Variants in ADARB2 observed in about 807,000 individuals in gnomAD.
The protein encoded by ADARB2 is adenosine deaminase RNA specific B2 (inactive).
ADARB2 carries 25 observed loss-of-function variants against 62.2 expected under a neutral mutation model. The ratio of observed to expected loss-of-function variants is 0.40; its 90% CI spans 0.29 to 0.56. The LOEUF (loss-of-function observed/expected upper bound fraction) is 0.56. Ranked by LOEUF, ADARB2 falls within the 20% of genes least tolerant of loss-of-function variation. The probability of loss-of-function intolerance (pLI) is 0.43; values close to 1 mark genes in which losing one functional copy is unlikely to be tolerated. For synonymous variants in ADARB2, 572 were observed against 500.8 expected (o/e 1.14, Z -1.90); for missense variants, 1,071 against 1,077.4 (o/e 0.99, Z 0.08).
At chr10:1,323,250 T>TAAA (rs201803705) in intron 3 of ADARB2, among the ~76,000 whole-genome samples, 214 of 130,476 alleles carry the variant, frequency 1.6e-3, no homozygotes, top group South Asian at 5.0e-3. Context: ...TTTGAAATTG[T>TAAA]AAAAAAAAAA....
chr10:1,229,750 G>A (rs374838222), intron 6 of ADARB2, among the ~76,000 whole-genome samples: 11 of 136,402 alleles, frequency 8.1e-5, no homozygotes, highest in South Asian at 2.2e-4. Context: ...GTATGTGCAC[G>A]TGATTACATG....
Position 1,628,362 on chromosome 10 carries a change from G to A in ADARB2, c.100+108689C>T, listed in dbSNP as rs548218358. ...TTACGATCGGCATTCACTGTTCAGC[G>A]CTTGCTAGGCTGTTAATTATTGTTG... is the stretch of plus-strand genomic sequence containing the variant. On this transcript the variant is annotated intron_variant, in intron 1 of 9. Transcript: ENST00000381312. 9.7e-4 allele frequency among the ~76,000 whole-genome samples: 147 copies of A among 152,324 alleles called. 1 individual carries two copies. The highest frequency in any genetic ancestry group is 8.1e-3 in the South Asian group (39 of 4,832).
chr10:1,578,492 A>G (rs1833050650), intron 1 of ADARB2, among the ~76,000 whole-genome samples: 1 of 152,180 alleles, frequency 6.6e-6, no homozygotes, highest in South Asian at 2.1e-4. Flanking sequence ...GTGAGCTGGG[A>G]GCTGTGCTGG....
At chr10:1,572,587 C>T (rs559634608) in intron 1 of ADARB2, among the ~76,000 whole-genome samples, 103 of 152,188 alleles carry the variant, frequency 6.8e-4, no homozygotes, top group Admixed American at 1.2e-3. Flanking sequence ...ACCACCTCTG[C>T]GCCATGCTGG....
At chr10:1,674,185 C>G (rs1470972943) in intron 1 of ADARB2, among the ~76,000 whole-genome samples, 1 of 152,180 alleles carries the variant, frequency 6.6e-6, no homozygotes, top group African/African-American at 2.4e-5. Flanking sequence ...TGCACCTTCT[C>G]TACTTCAGAA....
At chr10:1,424,060 G>A (rs1230934186) in intron 1 of ADARB2, among the ~76,000 whole-genome samples, 1 of 152,180 alleles carries the variant, frequency 6.6e-6, no homozygotes, top group African/African-American at 2.4e-5. Flanking sequence ...TACTATGTAT[G>A]CAGTGGGACC....
chr10:1,311,577 G>A (rs1831691470), intron 3 of ADARB2, among the ~76,000 whole-genome samples: 1 of 152,154 alleles, frequency 6.6e-6, no homozygotes, highest in South Asian at 2.1e-4. Context: ...ACCTGGCCAA[G>A]GCGCCTAGAG....
chr10:1,576,973 T>C (rs1320250821), intron 1 of ADARB2, among the ~76,000 whole-genome samples: 12 of 152,166 alleles, frequency 7.9e-5, no homozygotes, highest in Admixed American at 7.9e-4. Flanking sequence ...CCTCAGGCTC[T>C]GGGTAGGTTG....
chr10:1,400,153 G>A, intron 1 of ADARB2, among the ~76,000 whole-genome samples: 1 of 152,200 alleles, frequency 6.6e-6, no homozygotes, highest in Non-Finnish European at 1.5e-5. Flanking sequence ...CAGGCTCCAG[G>A]GCTCTGCCTG....
intron 4 of ADARB2, among the ~76,000 whole-genome samples, chr10:1,267,658 C>T (rs745704001): frequency 5.3e-5 from 8 of 152,122 alleles, no homozygotes; most frequent in Admixed American, 5.2e-4. Flanking sequence ...AAAACACGCA[C>T]AATATTTCAA....
intron 1 of ADARB2, among the ~76,000 whole-genome samples, chr10:1,621,878 A>G (rs1011267508): frequency 2.0e-5 from 3 of 151,730 alleles, no homozygotes; most frequent in Non-Finnish European, 2.9e-5. Context: ...TCCTCTTAAA[A>G]TATGTATGAA....
chr10:1,440,153 G>C (rs1830887105), intron 1 of ADARB2, among the ~76,000 whole-genome samples: 1 of 151,968 alleles, frequency 6.6e-6, no homozygotes, highest in South Asian at 2.1e-4. Context: ...GACAGAGGCA[G>C]GTCCTTCACT....
chr10:1,618,909 A>G (rs1833675876), intron 1 of ADARB2, among the ~76,000 whole-genome samples: 1 of 152,212 alleles, frequency 6.6e-6, no homozygotes, highest in Non-Finnish European at 1.5e-5. Flanking sequence ...AAAAGCAACT[A>G]TACAGCTGAA....
At chr10:1,494,305 A>G (rs943599583) in intron 1 of ADARB2, among the ~76,000 whole-genome samples, 1 of 152,342 alleles carries the variant, frequency 6.6e-6, no homozygotes, top group East Asian at 1.9e-4. Context: ...TCTGAGGTCA[A>G]TCAACTACTT....
intron 4 of ADARB2, among the ~76,000 whole-genome samples, chr10:1,262,163 G>C (rs1168527904): frequency 1.8e-5 from 2 of 108,948 alleles, no homozygotes; most frequent in Admixed American, 2.1e-4. Context: ...GAGGGGGGAG[G>C]GATAGCATTG....
intron 1 of ADARB2, among the ~76,000 whole-genome samples, chr10:1,733,514 C>T (rs884862): frequency 0.51 from 77,303 of 151,960 alleles, 20,208 homozygotes; most frequent in Non-Finnish European, 0.56. Context: ...CTCATACATA[C>T]TACCCTGAAG....
chr10:1,653,099 A>C (rs998659642), intron 1 of ADARB2, among the ~76,000 whole-genome samples: 1 of 152,190 alleles, frequency 6.6e-6, no homozygotes, highest in Non-Finnish European at 1.5e-5. Flanking sequence ...GCTGATCCCA[A>C]TGTGAGGCTG....
intron 4 of ADARB2, among the ~76,000 whole-genome samples, chr10:1,250,361 T>C (rs1443209589): frequency 2.0e-5 from 3 of 152,094 alleles, no homozygotes; most frequent in Admixed American, 1.3e-4. Flanking sequence ...GGATTCCTTA[T>C]GAAGGGCTTG....
chr10:1,474,236 C>G (rs1831368023), intron 1 of ADARB2, among the ~76,000 whole-genome samples: 1 of 152,224 alleles, frequency 6.6e-6, no homozygotes, highest in Non-Finnish European at 1.5e-5. Flanking sequence ...CTCCTGAGCT[C>G]CCAGCATCCT....
Sources: allele counts gnomAD v4.1 joint callset (sites outside exome capture counted in the v4.1 genomes callset), GRCh38; gene constraint gnomAD v4.1.1; transcripts MANE v1.5; gene names NCBI Gene and HGNC (gene_info 2026-07-23, HGNC 2026-07-21).